Variants in NAV1 observed in about 807,000 individuals in gnomAD.
NAV1 encodes the protein neuron navigator 1.
A neutral mutation model predicts 175.2 loss-of-function variants in NAV1; 18 were observed. The ratio of observed to expected loss-of-function variants is 0.10; its 90% CI spans 0.07 to 0.15. NAV1 has a LOEUF of 0.15. NAV1 is among the 10% of genes least tolerant of loss of function. The probability of loss-of-function intolerance (pLI) is 1.00; values close to 1 mark genes in which losing one functional copy is unlikely to be tolerated. For missense variants in NAV1, 1,731 were observed against 2,436.6 expected, an observed-to-expected ratio of 0.71 and a Z score of 6.10; for synonymous variants, 897 against 978.7, an observed-to-expected ratio of 0.92 and a Z score of 1.56.
In NAV1 at chr1:201,813,254, T is replaced by A. The variant is rs1409800379; in HGVS notation, c.5336T>A (p.Ile1779Lys). Residue 1779 changes from isoleucine to lysine, a missense_variant, in exon 28 of 30, where the codon ATA becomes AAA. Ile to Lys is a moderately radical substitution (Grantham distance 102, BLOSUM62 -3). Around this residue, in one of 13 missense-constraint regions of NAV1, gnomAD observed 30 missense variants for 97.3 expected, o/e 0.31. Coordinates refer to ENST00000367296, the Ensembl canonical transcript of NAV1. This position sits in a 1 kb window ranked among gnomAD's most constrained non-coding sequence, Gnocchi z 4.2. ...CTACAGGAAGGAGCCAAGGATGGGA[T>A]AAAGGTGAGCCCTACCCCCTTCACT... 6.2e-7 allele frequency: 1 copy of A among 1,603,312 alleles called. No individual in the cohort carries two copies. The highest frequency in any genetic ancestry group is 8.5e-7 in the Non-Finnish European group (1 of 1,170,268).
chr1:201,649,208 G>C (rs537984875), exon 1 of NAV1: 3 of 1,612,900 alleles, frequency 1.9e-6, no homozygotes, highest in Non-Finnish European at 2.5e-6. Flanking sequence ...GACCCTATGC[G>C]GAGGTCAAGC....
At position 201,694,493 on chromosome 1, in the gene NAV1, G is replaced by C. The variant is rs1267123296; in HGVS notation, c.758-18324G>C. Among the ~76,000 whole-genome samples, 1 of 152,186 alleles carries C rather than the reference G, an allele frequency of 6.6e-6. No homozygotes were observed. Among genetic ancestry groups the C allele is most frequent in the African/African-American group, 2.4e-5 (1 of 41,440 alleles). On this transcript the variant is annotated intron_variant, in intron 1 of 29. Transcript: ENST00000367296. This position sits in a 1 kb window ranked among gnomAD's most constrained non-coding sequence, Gnocchi z 4.2. ...ACCAGCTGCTGGGGCTTCTTGCCCT[G>C]AGTTAGGCTGGGGATCATTTGCAGG... is the stretch of plus-strand genomic sequence containing the variant.
At position 201,733,208 on chromosome 1, in the gene NAV1, G is replaced by A. The variant is rs542789390; in HGVS notation, c.1226+14453G>A. 6.6e-5 allele frequency among the ~76,000 whole-genome samples: 10 copies of A among 151,592 alleles called. 1 individual carries two copies. The highest frequency in any genetic ancestry group is 4.2e-4 in the South Asian group (2 of 4,774). On this transcript the variant is annotated intron_variant, in intron 3 of 29. Transcript: ENST00000367296. Reference sequence around the variant, plus strand: ...ATCCTGGCCAACATGGTGAAACCCCGTCTCTACTAAAAATACAAAAAATTA... The same window carrying A: ...ATCCTGGCCAACATGGTGAAACCCCATCTCTACTAAAAATACAAAAAATTA...
chr1:201,790,790 G>T, intron 13 of NAV1, 24 bp downstream of exon 17: 1 of 1,612,400 alleles, frequency 6.2e-7, no homozygotes, highest in South Asian at 1.1e-5. Flanking sequence ...AGTACGGAAA[G>T]ATCAAGGCAG....
intron 2 of NAV1, among the ~76,000 whole-genome samples, chr1:201,603,875 A>G (rs1272661479): frequency 6.6e-6 from 1 of 152,190 alleles, no homozygotes; most frequent in Non-Finnish European, 1.5e-5. Flanking sequence ...ATTTCATCGC[A>G]TAGCCTTTCA....
chr1:201,631,233 G>A (rs1264980725), intron 2 of NAV1, among the ~76,000 whole-genome samples: 3 of 152,180 alleles, frequency 2.0e-5, no homozygotes, highest in East Asian at 1.9e-4. Context: ...CCGAGGATAC[G>A]CCGAGCTCTT....
intron 1 of NAV1, among the ~76,000 whole-genome samples, chr1:201,552,978 G>T (rs968305695): frequency 2.6e-5 from 4 of 152,168 alleles, no homozygotes; most frequent in Non-Finnish European, 5.9e-5. Context: ...GCTCCAGACT[G>T]CAGGCCTCCA....
At chr1:201,703,409 A>G (rs1262211826) in intron 1 of NAV1, among the ~76,000 whole-genome samples, 1 of 152,188 alleles carries the variant, frequency 6.6e-6, no homozygotes, top group Non-Finnish European at 1.5e-5. Context: ...CTGATCCTAT[A>G]ACCTATCATT....
intron 3 of NAV1, among the ~76,000 whole-genome samples, chr1:201,732,680 G>C (rs1220609417): frequency 6.6e-6 from 1 of 152,206 alleles, no homozygotes; most frequent in Non-Finnish European, 1.5e-5. Context: ...TGTGATATTT[G>C]CTCATACATT....
At chr1:201,548,011 C>T (rs551195010) in intron 1 of NAV1, among the ~76,000 whole-genome samples, 10 of 152,258 alleles carry the variant, frequency 6.6e-5, no homozygotes, top group African/African-American at 2.4e-4. Context: ...CCAGGCTGGT[C>T]TGAAACTCCT....
At chr1:201,668,378 G>T (rs529152920) in intron 1 of NAV1, among the ~76,000 whole-genome samples, 8 of 152,120 alleles carry the variant, frequency 5.3e-5, no homozygotes, top group African/African-American at 1.9e-4. Flanking sequence ...TGTGATGTTC[G>T]TTAATGGGCA....
chr1:201,756,164 A>G (rs1159932750), intron 3 of NAV1, among the ~76,000 whole-genome samples: 1 of 151,992 alleles, frequency 6.6e-6, no homozygotes, highest in Non-Finnish European at 1.5e-5. Context: ...AGCATGAAAA[A>G]GTTGCCACTT....
At chr1:201,790,343 C>G (rs749677129) in intron 11 of NAV1, among the ~76,000 whole-genome samples, 1 of 152,178 alleles carries the variant, frequency 6.6e-6, no homozygotes, top group Non-Finnish European at 1.5e-5. Context: ...TGGAGATGAG[C>G]TCCAAAGAAA....
intron 1 of NAV1, among the ~76,000 whole-genome samples, chr1:201,656,494 G>T (rs1669409605): frequency 1.3e-5 from 2 of 152,226 alleles, no homozygotes; most frequent in South Asian, 4.1e-4. Flanking sequence ...GGAGAGCTGG[G>T]CTCATAAACT....
intron 1 of NAV1, among the ~76,000 whole-genome samples, chr1:201,677,768 T>C (rs182173101): frequency 4.0e-4 from 61 of 152,246 alleles, no homozygotes; most frequent in Admixed American, 3.2e-3. Context: ...GCTAGGAACA[T>C]AGGCATGCGC....
At chr1:201,696,101 C>T (rs1279815115) in intron 1 of NAV1, among the ~76,000 whole-genome samples, 1 of 152,122 alleles carries the variant, frequency 6.6e-6, no homozygotes, top group East Asian at 1.9e-4. Flanking sequence ...TACATGGGGG[C>T]CAGGTAGTGG....
At chr1:201,664,164 G>A (rs7368045) in intron 1 of NAV1, among the ~76,000 whole-genome samples, 45,789 of 151,836 alleles carry the variant, frequency 0.3, 7,206 homozygotes, top group Admixed American at 0.41. Flanking sequence ...AAGATGGTGA[G>A]ACCTCGTCTC....
At chr1:201,655,831 G>A (rs992089293) in intron 1 of NAV1, among the ~76,000 whole-genome samples, 1 of 152,208 alleles carries the variant, frequency 6.6e-6, no homozygotes, top group Non-Finnish European at 1.5e-5. Flanking sequence ...ATGGTGCTTT[G>A]CACCTTCTAT....
At chr1:201,568,055 G>A (rs1203086876) in intron 1 of NAV1, among the ~76,000 whole-genome samples, 1 of 152,184 alleles carries the variant, frequency 6.6e-6, no homozygotes, top group African/African-American at 2.4e-5. Context: ...CTAGGACCAC[G>A]TAAGCATAGG....
Sources: allele counts gnomAD v4.1 joint callset (sites outside exome capture counted in the v4.1 genomes callset), GRCh38; gene constraint gnomAD v4.1.1; regional missense constraint gnomAD v4.1.1; non-coding constraint Gnocchi (gnomAD v3.1); transcripts MANE v1.5; gene names NCBI Gene and HGNC (gene_info 2026-07-23, HGNC 2026-07-21).